FBXO41: variants seen among roughly 807,000 people sequenced by gnomAD.
FBXO41 encodes the protein F-box protein 41.
FBXO41 carries 33 observed loss-of-function variants against 81.6 expected under a neutral mutation model. The ratio of observed to expected loss-of-function variants is 0.40; its 90% CI spans 0.31 to 0.54. The LOEUF is 0.54. Among genes scored for constraint, FBXO41 ranks in the 20% least tolerant of loss-of-function variants. The pLI is 0.39. For missense variants in FBXO41, 1,107 were observed against 1,236.0 expected (o/e 0.90, Z 1.56); for synonymous variants, 576 against 552.7 (o/e 1.04, Z -0.59).
intron 2 of FBXO41, 68 bp downstream of exon 2, chr2:73,268,658 C>A (rs1484425704): frequency 9.2e-6 from 13 of 1,408,674 alleles, no homozygotes; most frequent in Non-Finnish European, 1.2e-5. Flanking sequence ...GGCACGCCCA[C>A]GGTGGTGGTG....
At chr2:73,263,467 A>G (rs544107801) in intron 8 of FBXO41, among the ~76,000 whole-genome samples, 159 bp from the exon 9 acceptor site, 22 of 152,248 alleles carry the variant, frequency 1.4e-4, no homozygotes, top group South Asian at 4.1e-4. Context: ...TAAAAAAAAA[A>G]AAAGAAAGAA....
Position 73,254,943 on chromosome 2 carries a change from C to T in FBXO41, c.*4039G>A, listed in dbSNP as rs1687752067. 1 of 152,736 alleles carries T rather than the reference C, an allele frequency of 6.5e-6. No individual in the cohort carries two copies. Among genetic ancestry groups the T allele is most frequent in the African/African-American group, 2.4e-5 (1 of 41,464 alleles). The allele number at this position is 152,736 out of a possible 1,614,324, so 9.5% of individuals were successfully genotyped here. A position where few individuals can be genotyped will look rare whatever the true frequency, so the allele number is the denominator to read the frequency against. On this transcript the variant is annotated 3_prime_UTR_variant, in exon 13 of 13. Transcript: ENST00000520530. ...CAAAAATTGCTCTCCACCCCTCTGC[C>T]TGTGCTTGGGGCTGGGGAAGCTACC...
chr2:73,267,645 C>T (rs888101206), intron 2 of FBXO41, among the ~76,000 whole-genome samples: 1 of 152,218 alleles, frequency 6.6e-6, no homozygotes, highest in Non-Finnish European at 1.5e-5. Context: ...CCTTGGCTTA[C>T]AATGGGGATA....
intron 1 of FBXO41, among the ~76,000 whole-genome samples, chr2:73,283,518 G>C (rs1029534022): frequency 1.3e-5 from 2 of 152,214 alleles, no homozygotes; most frequent in Admixed American, 6.5e-5. Flanking sequence ...CCTAAGGAGA[G>C]AGCAGGCCCA....
At chr2:73,267,889 T>TA (rs1688325370) in intron 2 of FBXO41, among the ~76,000 whole-genome samples, 1 of 152,234 alleles carries the variant, frequency 6.6e-6, no homozygotes, top group African/African-American at 2.4e-5. Context: ...TGGTTGTACA[T>TA]ACTGTTTTTC....
At chr2:73,265,724 G>A in intron 4 of FBXO41, 84 bp from the exon 5 acceptor site, 1 of 1,439,876 alleles carries the variant, frequency 6.9e-7, no homozygotes, top group African/African-American at 1.4e-5. Flanking sequence ...CATCAGCTGA[G>A]GGCAACCCAC....
In FBXO41 at chr2:73,266,958, GA is replaced by G. The variant is rs1467992868; in HGVS notation, c.906-277del. On this transcript the variant is annotated intron_variant, in intron 2 of 12. Transcript: ENST00000520530. The surrounding 1 kb of genome is among the most constrained non-coding windows in gnomAD (Gnocchi z 5.3). Reference sequence around the variant, plus strand: ...AATACTGCACACCCTGCTCTCCACAGAAATAATCAGGCATACTCAGTCCCAC... The same window carrying G: ...AATACTGCACACCCTGCTCTCCACAGAATAATCAGGCATACTCAGTCCCAC... 1.3e-5 allele frequency among the ~76,000 whole-genome samples: 2 copies of G among 152,056 alleles called. No homozygotes were observed. Among genetic ancestry groups the G allele is most frequent in the Non-Finnish European group, 2.9e-5 (2 of 68,018 alleles).
rs559877104 is a variant in FBXO41 at position 73,258,524 on chromosome 2, G to A, written c.*458C>T. The A allele has an allele frequency of 1.3e-5, 2 of 159,264 alleles. No homozygotes were observed. Among genetic ancestry groups the A allele is most frequent in the South Asian group, 2.0e-4 (1 of 4,926 alleles). 9.9% of individuals were successfully genotyped at this position (159,264 alleles called of 1,614,324 possible). On this transcript the variant is annotated 3_prime_UTR_variant, in exon 13 of 13. Transcript: ENST00000520530. Reference sequence around the variant, plus strand: ...CCCAGAAGGCTGCAGCAAGGTTGAGGAGAAGAGCCCTCCTTGCCAAGTCTG... The same window carrying A: ...CCCAGAAGGCTGCAGCAAGGTTGAGAAGAAGAGCCCTCCTTGCCAAGTCTG...
chr2:73,281,744 C>T (rs1324780299), intron 1 of FBXO41, among the ~76,000 whole-genome samples: 1 of 152,240 alleles, frequency 6.6e-6, no homozygotes, highest in Non-Finnish European at 1.5e-5. Context: ...CCCACAGCCA[C>T]AGACACAGTC....
chr2:73,266,866 C>T lies in FBXO41; in HGVS notation c.906-184G>A. On this transcript the variant is annotated intron_variant, in intron 2 of 12. Coordinates refer to ENST00000520530, the MANE Select transcript of FBXO41 (RefSeq NM_001371389.2). The surrounding 1 kb of genome is among the most constrained non-coding windows in gnomAD (Gnocchi z 5.3). ...CCGCACGATGACACATACAGAAATG[C>T]ATGCATGCACTCCGAGCCACACACT... 4.4e-6 allele frequency: 4 copies of T among 917,762 alleles called. No individual in the cohort carries two copies. Among genetic ancestry groups the T allele is most frequent in the South Asian group, 2.6e-5 (1 of 38,464 alleles). The allele number at this position is 917,762 out of a possible 1,614,324, so 56.9% of individuals were successfully genotyped here.
rs1441517627 is a variant in FBXO41, at chr2:73,269,400, G to A, written c.231C>T (p.Pro77=). The change falls in exon 2 of 13, where the codon CCC becomes CCT. Residue 77 remains proline, a synonymous_variant. Transcript: ENST00000520530. The surrounding 1 kb of genome is among the most constrained non-coding windows in gnomAD (Gnocchi z 7.0). ...APEPAALLAV[P]GARREVFEST... is the part of the protein sequence containing the mutation. ...TCTCGAAGACCTCTCGCCGGGCGCCGGGCACGGCCAGCAGGGCGGCGGGCT... is the reference window on the plus strand; with the variant it reads ...TCTCGAAGACCTCTCGCCGGGCGCCAGGCACGGCCAGCAGGGCGGCGGGCT... 3 of 1,460,974 alleles carry A rather than the reference G, an allele frequency of 2.1e-6. No individual in the cohort carries two copies. In the South Asian group the frequency reaches 4.0e-5, roughly 19 times the overall value. 90.5% of individuals were successfully genotyped at this position (1,460,974 alleles called of 1,614,324 possible). A position where few individuals can be genotyped will look rare whatever the true frequency, so the allele number is the denominator to read the frequency against.
chr2:73,271,762 C>G (rs1688509894), intron 1 of FBXO41, among the ~76,000 whole-genome samples: 1 of 152,104 alleles, frequency 6.6e-6, no homozygotes, highest in Admixed American at 6.5e-5. Context: ...TCCCGAGTAG[C>G]TGGGACTACA....
At position 73,284,396 on chromosome 2, in the gene FBXO41, A is replaced by AGGAGGAGGAGGAGGAGGAGGG. The variant is rs1688937715; in HGVS notation, c.-396_-376dup. ...ACGAACCCGGCGGGAGGAAGGATGG[A>AGGAGGAGGAGGAGGAGGAGGG]GGAGGAGGAGGAGGAGGAGGGGGAG... On this transcript the variant is annotated 5_prime_UTR_variant, in exon 1 of 13. Coordinates refer to ENST00000520530, the MANE Select transcript of FBXO41 (RefSeq NM_001371389.2). The surrounding 1 kb of genome is among the most constrained non-coding windows in gnomAD (Gnocchi z 7.4). 2.0e-5 allele frequency: 3 copies of AGGAGGAGGAGGAGGAGGAGGG among 150,490 alleles called. No homozygotes were observed. Among genetic ancestry groups the AGGAGGAGGAGGAGGAGGAGGG allele is most frequent in the Admixed American group, 6.6e-5 (1 of 15,140 alleles). The allele number at this position is 150,490 out of a possible 1,614,324, so 9.3% of individuals were successfully genotyped here.
At chr2:73,273,428 A>C (rs1688597541) in intron 1 of FBXO41, among the ~76,000 whole-genome samples, 1 of 152,150 alleles carries the variant, frequency 6.6e-6, no homozygotes, top group Non-Finnish European at 1.5e-5. Flanking sequence ...TTTATTGTGA[A>C]TTGATCCCCA....
Position 73,269,675 on chromosome 2 carries a change from C to T in FBXO41, c.-45G>A, listed in dbSNP as rs1483038272. 2.6e-6 allele frequency: 3 copies of T among 1,136,488 alleles called. No homozygotes were observed. Among genetic ancestry groups the T allele is most frequent in the African/African-American group, 3.3e-5 (2 of 60,380 alleles). The allele number at this position is 1,136,488 out of a possible 1,614,324, so 70.4% of individuals were successfully genotyped here. Reference sequence around the variant, plus strand: ...CACGCGGGCTCCACCGCGGCCGCCCCGCCGGTCAGCCGGGCGCGCTCATGG... The same window carrying T: ...CACGCGGGCTCCACCGCGGCCGCCCTGCCGGTCAGCCGGGCGCGCTCATGG... On this transcript the variant is annotated 5_prime_UTR_variant, in exon 2 of 13. Coordinates refer to ENST00000520530, the MANE Select transcript of FBXO41 (RefSeq NM_001371389.2). This position sits in a 1 kb window ranked among gnomAD's most constrained non-coding sequence, Gnocchi z 7.0.
At chr2:73,265,671 T>C (rs1574382396) in intron 4 of FBXO41, 31 bp from the exon 5 acceptor site, 1 of 1,474,334 alleles carries the variant, frequency 6.8e-7, no homozygotes, top group Non-Finnish European at 9.0e-7. Context: ...CAGTAAGGGG[T>C]AAGAGGCACC....
At chr2:73,279,444 A>C (rs985050946) in intron 1 of FBXO41, among the ~76,000 whole-genome samples, 1 of 152,172 alleles carries the variant, frequency 6.6e-6, no homozygotes, top group African/African-American at 2.4e-5. Context: ...GGGCTCAGAG[A>C]GAGGGGAGCT....
At chr2:73,271,785 C>G (rs1365081836) in intron 1 of FBXO41, among the ~76,000 whole-genome samples, 1 of 152,154 alleles carries the variant, frequency 6.6e-6, no homozygotes, top group Non-Finnish European at 1.5e-5. Flanking sequence ...CATGTGCCAC[C>G]ACGCCCAGCT....
rs1295915113 is a variant in FBXO41, at chr2:73,269,071, G to A, written c.560C>T (p.Ser187Leu). The A allele has an allele frequency of 1.3e-6, 2 of 1,517,014 alleles. No homozygotes were observed. The highest frequency in any genetic ancestry group is 2.5e-5 in the East Asian group (1 of 39,634). The allele number at this position is 1,517,014 out of a possible 1,614,324, so 94.0% of individuals were successfully genotyped here. A position where few individuals can be genotyped will look rare whatever the true frequency, so the allele number is the denominator to read the frequency against. ...ATCAGCGGGTGAGGGGGACGCGGGC[G>A]AAGCGGAGGCAGGCCCGGGGCAAGG... Reference protein sequence around the residue: ...PGPCPGPASASPASPSPADVA... With the variant: ...PGPCPGPASALPASPSPADVA... The change falls in exon 2 of 13, where the codon TCG becomes TTG. Residue 187 changes from serine (S) to leucine (L), a missense_variant. Around this residue, in one of 2 missense-constraint regions of FBXO41, gnomAD observed 771 missense variants for 789.2 expected, o/e 0.98. Transcript: ENST00000520530. The surrounding 1 kb of genome is among the most constrained non-coding windows in gnomAD (Gnocchi z 7.0).
Sources: allele counts gnomAD v4.1 joint callset (sites outside exome capture counted in the v4.1 genomes callset), GRCh38; gene constraint gnomAD v4.1.1; regional missense constraint gnomAD v4.1.1; non-coding constraint Gnocchi (gnomAD v3.1); transcripts MANE v1.5; gene names NCBI Gene and HGNC (gene_info 2026-07-23, HGNC 2026-07-21).